Variants in ZNF718 observed in about 807,000 individuals in gnomAD.
ZNF718 encodes zinc finger protein 718.
A neutral mutation model predicts 2.6 loss-of-function variants in ZNF718; 3 were observed. The observed-to-expected ratio is 1.16, with a 90% CI of 0.53 to 3.01. The LOEUF (loss-of-function observed/expected upper bound fraction) is 3.01. ZNF718 is among the 30% of genes most tolerant of loss of function. The pLI is 0.03. For synonymous variants in ZNF718, 135 were observed against 77.9 expected, an observed-to-expected ratio of 1.73 and a Z score of -3.86; for missense variants, 468 against 230.0, an observed-to-expected ratio of 2.03 and a Z score of -6.69.
At chr4:178,164 GA>G in intron 3 of ZNF718, among the ~76,000 whole-genome samples, 1 of 145,798 alleles carries the variant, frequency 6.9e-6, no homozygotes, top group South Asian at 2.2e-4. Context: ...TTTGAGACAA[GA>G]TCTGTTTTTG....
Position 124,793 on chromosome 4 carries a change from C to G in ZNF718, c.3+120C>G, listed in dbSNP as rs184154159. 3.0e-4 allele frequency: 413 copies of G among 1,396,038 alleles called. 4 individuals are homozygous for G. The East Asian group carries it at 7.9e-3, about 27-fold the overall frequency. The allele number at this position is 1,396,038 out of a possible 1,614,324, so 86.5% of individuals were successfully genotyped here. A position where few individuals can be genotyped will look rare whatever the true frequency, so the allele number is the denominator to read the frequency against. On this transcript the variant is annotated intron_variant, in intron 1 of 3. Transcript: ENST00000510175. ...CCGCTCAGCCCTCTGTCCTCAGTCC[C>G]CTCCGGTGAGGGACCCGCGCTCTTG...
rs782715906 is a variant in ZNF718 at position 160,892 on chromosome 4, G to A, written c.227-20G>A. 1.4e-6 allele frequency: 1 copy of A among 738,070 alleles called. No homozygotes were observed. Among genetic ancestry groups the A allele is most frequent in the Non-Finnish European group, 2.5e-6 (1 of 401,236 alleles). The allele number at this position is 738,070 out of a possible 1,614,324, so 45.7% of individuals were successfully genotyped here. A position where few individuals can be genotyped will look rare whatever the true frequency, so the allele number is the denominator to read the frequency against. On this transcript the variant is annotated intron_variant, in intron 3 of 3. Transcript: ENST00000510175. The stretch of plus-strand genomic sequence containing the variant: ...ATGAATCTAGTAAGTGGGATAATTT[G>A]TTATTTTTATTTCTTTCAGCTGTGT...
intron 3 of ZNF718, among the ~76,000 whole-genome samples, chr4:145,596 G>A (rs2108790851): frequency 6.6e-6 from 1 of 152,098 alleles, no homozygotes; most frequent in African/African-American, 2.4e-5. Context: ...CTGAGTAGCT[G>A]GGACTACAAG....
chr4:186,543 A>C (rs1553820505), intron 3 of ZNF718, among the ~76,000 whole-genome samples: 1 of 152,104 alleles, frequency 6.6e-6, no homozygotes, highest in Non-Finnish European at 1.5e-5. Flanking sequence ...AGCTAGGTTG[A>C]GGAAGTTCTC....
At chr4:148,610 C>CAAAA (rs33957522) in intron 3 of ZNF718, among the ~76,000 whole-genome samples, 6 of 74,506 alleles carry the variant, frequency 8.1e-5, no homozygotes, top group African/African-American at 2.1e-4. Flanking sequence ...GACTCTGTCT[C>CAAAA]AAAAAAAAAA....
In ZNF718 at chr4:161,605, G is replaced by A. The variant is rs1553815240; in HGVS notation, c.920G>A (p.Gly307Glu). The A allele has an allele frequency of 2.6e-6, 2 of 780,650 alleles. No homozygotes were observed. Among genetic ancestry groups the A allele is most frequent in the Non-Finnish European group, 4.8e-6 (2 of 417,948 alleles). 48.4% of individuals were successfully genotyped at this position (780,650 alleles called of 1,614,324 possible). A position where few individuals can be genotyped will look rare whatever the true frequency, so the allele number is the denominator to read the frequency against. Residue 307 changes from glycine (G) to glutamate (E), a missense_variant, in exon 4 of 4, where the codon GGA becomes GAA. By Grantham distance (98) the Gly-to-Glu change is moderately conservative (BLOSUM62 -2). Transcript: ENST00000510175. ...AATGAACATAAGAGAATTCATGCTG[G>A]AGAGAAACCCTTCTCATGCGAAGAA... Reference protein sequence around the residue: ...SLNEHKRIHAGEKPFSCEECG... With the variant: ...SLNEHKRIHAEEKPFSCEECG...
At chr4:129,866 T>G (rs1416354888) in intron 1 of ZNF718, among the ~76,000 whole-genome samples, 1 of 104,068 alleles carries the variant, frequency 9.6e-6, no homozygotes, top group African/African-American at 3.3e-5. Context: ...GGACTACTTT[T>G]CAGGATGTTA....
chr4:138,608 C>T (rs4627799), intron 3 of ZNF718, among the ~76,000 whole-genome samples: 36,998 of 151,988 alleles, frequency 0.24, 4,935 homozygotes, highest in African/African-American at 0.33. Context: ...AAATATCTCT[C>T]TGATGTCCTG....
intron 3 of ZNF718, among the ~76,000 whole-genome samples, chr4:175,484 C>T (rs563172384): frequency 3.9e-5 from 6 of 152,310 alleles, no homozygotes; most frequent in East Asian, 1.9e-4. Flanking sequence ...AATGTTCTCC[C>T]TCTTTTTACC....
intron 3 of ZNF718, among the ~76,000 whole-genome samples, chr4:144,656 T>C (rs568442289): frequency 1.3e-5 from 2 of 152,174 alleles, no homozygotes; most frequent in East Asian, 3.9e-4. Flanking sequence ...ATATCTTTCC[T>C]TTTTTTTCTC....
intron 2 of ZNF718, 124 bp from the exon 3 acceptor site, chr4:131,286 A>G: frequency 4.3e-6 from 1 of 232,042 alleles, no homozygotes; most frequent in Non-Finnish European, 7.6e-6. Context: ...TCTGTCGGAA[A>G]ACAATTTTTG....
At chr4:153,248 A>G (rs1250090642) in intron 3 of ZNF718, among the ~76,000 whole-genome samples, 3 of 152,066 alleles carry the variant, frequency 2.0e-5, no homozygotes, top group African/African-American at 7.2e-5. Flanking sequence ...TGGATTTATT[A>G]CTGGGCTCAC....
chr4:153,749 G>T (rs782570470), intron 3 of ZNF718, among the ~76,000 whole-genome samples: 1 of 152,052 alleles, frequency 6.6e-6, no homozygotes, highest in South Asian at 2.1e-4. Flanking sequence ...CACAAGAAGG[G>T]CCACATTTGA....
At chr4:195,078 CT>C (rs1717765310) in intron 3 of ZNF718, among the ~76,000 whole-genome samples, 2 of 152,284 alleles carry the variant, frequency 1.3e-5, no homozygotes, top group African/African-American at 4.8e-5. Context: ...TGCCTTTGTG[CT>C]CAGGGGTGAG....
rs1717404583 is a variant in ZNF718 at position 179,017 on chromosome 4, A to G, written c.227-22064A>G. On this transcript the variant is annotated intron_variant and NMD_transcript_variant, in intron 3 of 4. Coordinates refer to the ZNF718 transcript ENST00000642529. ...ATTTTTCTGAACGTTGAAGAGATAT[A>G]TGTCTCACATTTAGGTATTTGGTCT... Among the ~76,000 whole-genome samples, 3 of 152,186 alleles carry G rather than the reference A, an allele frequency of 2.0e-5. No individual in the cohort carries two copies. In the South Asian group the frequency reaches 6.2e-4, roughly 31 times the overall value.
At position 162,233 on chromosome 4, in the gene ZNF718, C is replaced by T. The variant is rs1553815715; in HGVS notation, c.*111C>T. On this transcript the variant is annotated 3_prime_UTR_variant, in exon 4 of 4. Transcript: ENST00000510175. ...AAATTGACAAAGCTTTTAACCGCAA[C>T]TCAATCTGTTCTAAACATAAGAGAA... 3.4e-6 allele frequency: 2 copies of T among 579,900 alleles called. No homozygotes were observed. Among genetic ancestry groups the T allele is most frequent in the South Asian group, 2.5e-5 (1 of 39,376 alleles). 35.9% of individuals were successfully genotyped at this position (579,900 alleles called of 1,614,324 possible).
intron 3 of ZNF718, among the ~76,000 whole-genome samples, chr4:193,707 G>T (rs1717738266): frequency 6.6e-6 from 1 of 151,962 alleles, no homozygotes; most frequent in South Asian, 2.1e-4. Flanking sequence ...GTGTCCAGGA[G>T]GCAGTTAACC....
chr4:195,733 G>A (rs184039659), intron 3 of ZNF718, among the ~76,000 whole-genome samples: 31 of 152,244 alleles, frequency 2.0e-4, no homozygotes, highest in African/African-American at 7.0e-4. Flanking sequence ...GGGTTACTGG[G>A]TTAAGAATTT....
chr4:164,646 T>C (rs1201802712), downstream of ZNF718, among the ~76,000 whole-genome samples: 1 of 152,212 alleles, frequency 6.6e-6, no homozygotes, highest in African/African-American at 2.4e-5. Context: ...AAAATAAATT[T>C]AAGATGTTCA....
Sources: gnomAD v4.1 joint callset for allele counts (sites outside exome capture counted in the v4.1 genomes callset) on GRCh38, gnomAD v4.1.1 for gene constraint, MANE v1.5 for transcripts, NCBI Gene and HGNC (gene_info 2026-07-23, HGNC 2026-07-21) for gene names.